AJAP1: variants seen among roughly 807,000 people sequenced by gnomAD.
AJAP1 encodes the protein adherens junction-associated protein 1.
In AJAP1, 5 loss-of-function variants were observed where a neutral mutation model predicts 35.0. The ratio of observed to expected loss-of-function variants is 0.14; its 90% CI spans 0.07 to 0.30. The LOEUF is 0.30. Ranked by LOEUF, AJAP1 falls within the 10% of genes least tolerant of loss-of-function variation. The probability of loss-of-function intolerance (pLI) is 1.00; values close to 1 mark genes in which losing one functional copy is unlikely to be tolerated. For missense variants in AJAP1, 586 were observed against 571.0 expected (o/e 1.03, Z -0.27); for synonymous variants, 284 against 249.3 (o/e 1.14, Z -1.31).
rs1207990628 is a variant in AJAP1 at position 4,791,703 on chromosome 1, T to C, written c.*9218T>C. ...GGCGTATCTGGGCATTGGTATGGAA[T>C]AAACAGGATACTCAGTGAAACATCC... is the stretch of plus-strand genomic sequence containing the variant. On this transcript the variant is annotated 3_prime_UTR_variant, in exon 6 of 6. Coordinates refer to ENST00000378191, the MANE Select transcript of AJAP1 (RefSeq NM_018836.4). 4 of 152,242 alleles carry C rather than the reference T, an allele frequency of 2.6e-5. No individual in the cohort carries two copies. The highest frequency in any genetic ancestry group is 5.9e-5 in the Non-Finnish European group (4 of 68,042). The allele number at this position is 152,242 out of a possible 1,614,324, so 9.4% of individuals were successfully genotyped here.
intron 1 of AJAP1, among the ~76,000 whole-genome samples, chr1:4,666,671 A>G (rs1570088392): frequency 8.1e-6 from 1 of 123,388 alleles, no homozygotes; most frequent in African/African-American, 3.2e-5. Context: ...GATTCACCAG[A>G]GGGTTGCAGA....
At chr1:4,738,450 G>C (rs1640981514) in intron 2 of AJAP1, among the ~76,000 whole-genome samples, 1 of 152,228 alleles carries the variant, frequency 6.6e-6, no homozygotes, top group Non-Finnish European at 1.5e-5. Context: ...AGCTGGTCTG[G>C]AGCTAAGAGA....
intron 1 of AJAP1, among the ~76,000 whole-genome samples, chr1:4,667,987 G>A (rs190848226): frequency 1.3e-5 from 2 of 152,262 alleles, no homozygotes; most frequent in Admixed American, 1.3e-4. Context: ...GGTAGAGGCG[G>A]GAGGAAAACT....
intron 2 of AJAP1, among the ~76,000 whole-genome samples, chr1:4,767,384 CCACCACCATCAT>C (rs1431451085): frequency 6.6e-6 from 1 of 151,874 alleles, no homozygotes; most frequent in African/African-American, 2.4e-5. Context: ...GTCACCATCA[CCACCACCATCAT>C]CATCGTTACC....
chr1:4,685,879 CA>C (rs2100216626), intron 1 of AJAP1, among the ~76,000 whole-genome samples: 1 of 152,298 alleles, frequency 6.6e-6, no homozygotes, highest in African/African-American at 2.4e-5. Flanking sequence ...CTGGGCTCTG[CA>C]AGGTCATTGC....
chr1:4,724,086 T>G (rs796357958), intron 2 of AJAP1, among the ~76,000 whole-genome samples: 1 of 152,164 alleles, frequency 6.6e-6, no homozygotes, highest in Non-Finnish European at 1.5e-5. Flanking sequence ...ATCCCATGGG[T>G]ACTGCACCGA....
chr1:4,700,050 G>A (rs1639951288), intron 1 of AJAP1, among the ~76,000 whole-genome samples: 1 of 152,200 alleles, frequency 6.6e-6, no homozygotes, highest in Non-Finnish European at 1.5e-5. Context: ...CGATTGCGTA[G>A]AGCTCTCCCC....
intron 1 of AJAP1, among the ~76,000 whole-genome samples, chr1:4,676,882 G>C (rs1443349817): frequency 6.6e-6 from 1 of 152,190 alleles, no homozygotes; most frequent in Admixed American, 6.5e-5. Flanking sequence ...AATGGCCAGG[G>C]GCCGTGGCTC....
rs1030873674 is a variant in AJAP1, at chr1:4,776,531, G to A, written c.*59+1973G>A. On this transcript the variant is annotated intron_variant, in intron 5 of 5. Coordinates refer to ENST00000378191, the MANE Select transcript of AJAP1 (RefSeq NM_018836.4). ...TTCTTTTCCATTAGAACAGGAGCCCGCAGCACTGACTTTAAAAAAAATAAA... is the reference window on the plus strand; with the variant it reads ...TTCTTTTCCATTAGAACAGGAGCCCACAGCACTGACTTTAAAAAAAATAAA... 2.5e-4 allele frequency among the ~76,000 whole-genome samples: 38 copies of A among 152,246 alleles called. 1 individual carries two copies. Among genetic ancestry groups the A allele is most frequent in the Middle Eastern group, 3.4e-3 (1 of 294 alleles).
chr1:4,773,188 AAC>A (rs1213214117), intron 4 of AJAP1, among the ~76,000 whole-genome samples: 1 of 152,204 alleles, frequency 6.6e-6, no homozygotes, highest in Non-Finnish European at 1.5e-5. Flanking sequence ...AAATTAAAAA[AAC>A]AGTCTCCAAC....
At chr1:4,758,139 A>T (rs1286958239) in intron 2 of AJAP1, among the ~76,000 whole-genome samples, 1 of 152,110 alleles carries the variant, frequency 6.6e-6, no homozygotes, top group African/African-American at 2.4e-5. Flanking sequence ...CTCCCCAGTG[A>T]TGTGTAACTG....
At chr1:4,742,589 T>G (rs372719148) in intron 2 of AJAP1, among the ~76,000 whole-genome samples, 26 of 152,216 alleles carry the variant, frequency 1.7e-4, no homozygotes, top group African/African-American at 5.8e-4. Flanking sequence ...TCCTGTCCTT[T>G]CCTGTTTTCT....
chr1:4,691,628 C>T (rs1639741644), intron 1 of AJAP1, among the ~76,000 whole-genome samples: 1 of 152,168 alleles, frequency 6.6e-6, no homozygotes, highest in Non-Finnish European at 1.5e-5. Context: ...CCCGGGCAGA[C>T]ACTGGTGCTT....
rs560354154 is a variant in AJAP1 at position 4,729,255 on chromosome 1, G to A, written c.829+16556G>A. The stretch of plus-strand genomic sequence containing the variant: ...CTTTCTCGTGAGAAGGGTGCAGGTC[G>A]GAGTGAGGGGAGCACAGGGCAGGGC... On this transcript the variant is annotated intron_variant, in intron 2 of 5. Coordinates refer to ENST00000378191, the MANE Select transcript of AJAP1 (RefSeq NM_018836.4). Among the ~76,000 whole-genome samples the A allele has an allele frequency of 9.2e-5, 14 of 152,256 alleles. No individual in the cohort carries two copies. In the East Asian group the frequency reaches 1.7e-3, roughly 19 times the overall value.
chr1:4,662,738 A>C (rs1570081563), intron 1 of AJAP1, among the ~76,000 whole-genome samples: 1 of 151,024 alleles, frequency 6.6e-6, no homozygotes, highest in East Asian at 2.0e-4. Context: ...TCTAAAGAGA[A>C]CTCCCTACAC....
intron 1 of AJAP1, among the ~76,000 whole-genome samples, chr1:4,662,649 G>A (rs1227845186): frequency 2.0e-5 from 3 of 152,220 alleles, no homozygotes; most frequent in Admixed American, 6.5e-5. Flanking sequence ...CCCCTTATGT[G>A]TCGTTAGATG....
chr1:4,780,010 G>T (rs1642028812), intron 5 of AJAP1, among the ~76,000 whole-genome samples: 1 of 151,768 alleles, frequency 6.6e-6, no homozygotes, highest in East Asian at 1.9e-4. Context: ...ACGGGTGTGT[G>T]GTGTGCGCCT....
At position 4,772,355 on chromosome 1, in the gene AJAP1, C is replaced by A; in HGVS notation, c.993C>A (p.Asn331Lys). The change falls in exon 4 of 6, where the codon AAC (asparagine) becomes AAA (lysine). Residue 331 changes from asparagine (N) to lysine (K), a missense_variant. Transcript: ENST00000378191. ...ACCAGCAGGAGGAGAGCTGCCAGAA[C>A]CTCACGGACTTCCCCTCGGCCCGGG... ...KTNQQEESCQNLTDFPSARVP... is the reference protein window; with the variant it reads ...KTNQQEESCQKLTDFPSARVP... 6.2e-7 allele frequency: 1 copy of A among 1,614,260 alleles called. No individual in the cohort carries two copies. Among genetic ancestry groups the A allele is most frequent in the Non-Finnish European group, 8.5e-7 (1 of 1,180,058 alleles).
chr1:4,677,862 C>T lies in AJAP1; in HGVS notation c.29+22408C>T, dbSNP rs1639396116. ...CTGTCCATTGTGGTGCTGGAGCCAA[C>T]TATTGCTTCCAGTTGGAATGCCAAC... On this transcript the variant is annotated intron_variant, in intron 1 of 5. Transcript: ENST00000378191. Among the ~76,000 whole-genome samples the T allele has an allele frequency of 1.3e-5, 2 of 152,188 alleles. 1 individual carries two copies. The highest frequency in any genetic ancestry group is 4.1e-4 in the South Asian group (2 of 4,822).
Sources: gnomAD v4.1 joint callset for allele counts (sites outside exome capture counted in the v4.1 genomes callset) on GRCh38, gnomAD v4.1.1 for gene constraint, MANE v1.5 for transcripts, NCBI Gene and HGNC (gene_info 2026-07-23, HGNC 2026-07-21) for gene names.